The following RBM47 variants were observed in gnomAD, a reference collection of about 807,000 sequenced individuals.
RBM47 encodes the protein RNA binding motif protein 47.
RBM47 carries 21 observed loss-of-function variants against 47.1 expected under a neutral mutation model. The ratio of observed to expected loss-of-function variants is 0.45; its 90% CI spans 0.32 to 0.64. The LOEUF is 0.64. Ranked by LOEUF, RBM47 falls within the 30% of genes least tolerant of loss-of-function variation. RBM47 has a pLI of 0.05. For missense variants in RBM47, 708 were observed against 870.9 expected (o/e 0.81, Z 2.35); for synonymous variants, 375 against 361.7 (o/e 1.04, Z -0.42).
chr4:40,562,230 A>G (rs1730698498), intron 1 of RBM47, among the ~76,000 whole-genome samples: 1 of 152,150 alleles, frequency 6.6e-6, no homozygotes, highest in Non-Finnish European at 1.5e-5. Context: ...GATTAACACG[A>G]TCAAAGAAAA....
intron 1 of RBM47, among the ~76,000 whole-genome samples, chr4:40,581,740 G>A (rs534161007): frequency 6.6e-6 from 1 of 152,052 alleles, no homozygotes; most frequent in African/African-American, 2.4e-5. Context: ...GTGAAGAGAG[G>A]CTGCAGCCCA....
intron 3 of RBM47, among the ~76,000 whole-genome samples, chr4:40,461,785 A>G (rs553652129): frequency 1.2e-3 from 178 of 152,214 alleles, no homozygotes; most frequent in African/African-American, 3.7e-3. Context: ...AAATACAAAA[A>G]TTAGTCGGGC....
intron 1 of RBM47, among the ~76,000 whole-genome samples, chr4:40,576,767 A>G (rs1455702029): frequency 6.6e-6 from 1 of 152,130 alleles, no homozygotes; most frequent in Non-Finnish European, 1.5e-5. Context: ...GGGTTGTTTC[A>G]CTTTCTAGAT....
chr4:40,457,645 G>A (rs967255208), intron 3 of RBM47, among the ~76,000 whole-genome samples: 2 of 152,062 alleles, frequency 1.3e-5, no homozygotes, highest in African/African-American at 4.8e-5. Context: ...ATGCTGGCCA[G>A]GCTGGTCTTG....
At chr4:40,580,553 T>G (rs1732788673) in intron 1 of RBM47, among the ~76,000 whole-genome samples, 1 of 152,086 alleles carries the variant, frequency 6.6e-6, no homozygotes, top group Non-Finnish European at 1.5e-5. Flanking sequence ...GCCTTGAAAT[T>G]TGGTTACCAT....
chr4:40,566,307 T>C lies in RBM47; in HGVS notation c.-239-21801A>G, dbSNP rs115615089. On this transcript the variant is annotated intron_variant, in intron 1 of 6. Transcript: ENST00000295971. ...GTCACTGACCAAAAGCCCTGTATCA[T>C]GCTGGGGATGAACTGTGGAGTCACC... is the stretch of plus-strand genomic sequence containing the variant. Among the ~76,000 whole-genome samples the C allele has an allele frequency of 2.3e-3, 352 of 152,266 alleles. 3 individuals are homozygous for C. Among genetic ancestry groups the C allele is most frequent in the African/African-American group, 8.0e-3 (331 of 41,558 alleles).
intron 2 of RBM47, among the ~76,000 whole-genome samples, chr4:40,468,236 G>A (rs1202766589): frequency 1.3e-5 from 2 of 152,156 alleles, no homozygotes; most frequent in African/African-American, 4.8e-5. Context: ...GCAGTGAGCT[G>A]AGATTGTGCC....
chr4:40,574,388 C>A (rs567606056), intron 1 of RBM47, among the ~76,000 whole-genome samples: 1 of 152,278 alleles, frequency 6.6e-6, no homozygotes, highest in South Asian at 2.1e-4. Flanking sequence ...CTGAGACAAA[C>A]TGAAAAGTTA....
chr4:40,518,159 T>C (rs1350723457), intron 2 of RBM47, among the ~76,000 whole-genome samples: 723 of 2,670 alleles, frequency 0.27, 9 homozygotes, highest in African/African-American at 0.42. Flanking sequence ...TTTTCTTTTC[T>C]TTTTTTTTTT....
At chr4:40,570,273 T>C (rs917193891) in intron 1 of RBM47, among the ~76,000 whole-genome samples, 4 of 151,940 alleles carry the variant, frequency 2.6e-5, no homozygotes, top group African/African-American at 9.7e-5. Context: ...GAAATAATTA[T>C]ACAACTCACC....
chr4:40,619,367 G>A (rs920952989), intron 1 of RBM47, among the ~76,000 whole-genome samples: 3 of 152,150 alleles, frequency 2.0e-5, no homozygotes, highest in Non-Finnish European at 4.4e-5. Flanking sequence ...CTTTAAGACT[G>A]CAGTGAGCCA....
chr4:40,550,381 T>G (rs1295490337), intron 1 of RBM47, among the ~76,000 whole-genome samples: 1 of 152,138 alleles, frequency 6.6e-6, no homozygotes, highest in Non-Finnish European at 1.5e-5. Context: ...GCTGGATACA[T>G]GTGTTAAAAG....
chr4:40,542,851 T>G (rs955652150), intron 2 of RBM47: 1 of 152,168 alleles, frequency 6.6e-6, no homozygotes, highest in African/African-American at 2.4e-5. Flanking sequence ...TTTTCTTGTT[T>G]TAGACTCTTA....
At chr4:40,531,898 G>C (rs574323573) in intron 2 of RBM47, among the ~76,000 whole-genome samples, 8 of 152,094 alleles carry the variant, frequency 5.3e-5, no homozygotes, top group Admixed American at 5.3e-4. Flanking sequence ...GCAGGGGGGT[G>C]AGGACAAAAG....
At chr4:40,510,024 C>T (rs1200742104) in intron 2 of RBM47, among the ~76,000 whole-genome samples, 3 of 151,682 alleles carry the variant, frequency 2.0e-5, no homozygotes, top group Admixed American at 6.6e-5. Context: ...CCTGTCTCTA[C>T]TAAAAATACA....
chr4:40,609,431 G>T (rs1048909189), intron 1 of RBM47, among the ~76,000 whole-genome samples: 1 of 151,364 alleles, frequency 6.6e-6, no homozygotes, highest in African/African-American at 2.4e-5. Flanking sequence ...TTGTGCCTCA[G>T]CCTCTAGAGT....
intron 1 of RBM47, among the ~76,000 whole-genome samples, chr4:40,552,394 T>C (rs549915269): frequency 2.3e-4 from 31 of 136,556 alleles, no homozygotes; most frequent in African/African-American, 9.5e-4. Context: ...TGAGACTCTG[T>C]CTCAAAAATA....
In RBM47 at chr4:40,438,028, G is replaced by T. The variant is rs760487136; in HGVS notation, c.866C>A (p.Thr289Asn). ...GGCATGCACGGCATCCTCGCGGCTG[G>T]TGAAGTGCACGAAGGCGTAGTCGCG... is the stretch of plus-strand genomic sequence containing the variant. ...KIRDYAFVHFTSREDAVHAMN... is the reference protein window; with the variant it reads ...KIRDYAFVHFNSREDAVHAMN... The change falls in exon 4 of 7, where the codon ACC (threonine) becomes AAC (asparagine). Residue 289 changes from threonine to asparagine, a missense_variant. By Grantham distance (65) the Thr-to-Asn change is moderately conservative. Coordinates refer to ENST00000295971, the MANE Select transcript of RBM47 (RefSeq NM_001098634.2). 1 of 1,613,692 alleles carries T rather than the reference G, an allele frequency of 6.2e-7. No individual in the cohort carries two copies. The highest frequency in any genetic ancestry group is 8.5e-7 in the Non-Finnish European group (1 of 1,180,032).
chr4:40,478,732 C>T (rs1719989544), intron 2 of RBM47, among the ~76,000 whole-genome samples: 1 of 152,192 alleles, frequency 6.6e-6, no homozygotes, highest in South Asian at 2.1e-4. Context: ...AAGTGATCTG[C>T]CTGCCTTGGC....
Sources: allele counts gnomAD v4.1 joint callset (sites outside exome capture counted in the v4.1 genomes callset), GRCh38; gene constraint gnomAD v4.1.1; transcripts MANE v1.5; gene names NCBI Gene and HGNC (gene_info 2026-07-23, HGNC 2026-07-21).